LSS: variants seen among roughly 807,000 people sequenced by gnomAD.
LSS encodes 2,3-epoxysqualene-lanosterol cyclase.
Under a neutral mutation model 110.3 loss-of-function variants are expected in LSS, and 90 were observed. That is an observed-to-expected ratio of 0.82 (90% CI 0.69 to 0.97). The LOEUF is 0.97. Ranked by LOEUF, LSS falls within the 50% of genes least tolerant of loss-of-function variation. The pLI is 0.00. For missense variants in LSS, 927 were observed against 990.0 expected, an observed-to-expected ratio of 0.94 and a Z score of 0.85; for synonymous variants, 433 against 400.0, an observed-to-expected ratio of 1.08 and a Z score of -0.98.
chr21:46,217,546 G>GT (rs931828495), intron 6 of LSS, among the ~76,000 whole-genome samples: 5 of 151,416 alleles, frequency 3.3e-5, no homozygotes, highest in Admixed American at 6.6e-5. Flanking sequence ...TTAAAAGGGT[G>GT]TTTTTTTTTC....
At position 46,209,529 on chromosome 21, in the gene LSS, T is replaced by C; in HGVS notation, c.1266+25A>G. 6.3e-7 allele frequency: 1 copy of C among 1,587,510 alleles called. No individual in the cohort carries two copies. The highest frequency in any genetic ancestry group is 8.6e-7 in the Non-Finnish European group (1 of 1,166,792). On this transcript the variant is annotated intron_variant, in intron 13 of 21. Coordinates refer to ENST00000397728, the MANE Select transcript of LSS (RefSeq NM_002340.6). This position sits in a 1 kb window ranked among gnomAD's most constrained non-coding sequence, Gnocchi z 4.4. Reference sequence around the variant, plus strand: ...GCCCTGATCCCCCTCTTCAGCCCCCTCAGAGCCCCAGGCACCGGCCTCACC... The same window carrying C: ...GCCCTGATCCCCCTCTTCAGCCCCCCCAGAGCCCCAGGCACCGGCCTCACC...
chr21:46,223,989 C>T (rs1426680191), intron 3 of LSS, among the ~76,000 whole-genome samples: 11 of 152,184 alleles, frequency 7.2e-5, no homozygotes, highest in Admixed American at 6.5e-4. Flanking sequence ...TTGTGGAGGG[C>T]CTCACATTAG....
chr21:46,216,351 C>T lies in LSS; in HGVS notation c.783+38G>A, dbSNP rs747598643. On this transcript the variant is annotated intron_variant, in intron 7 of 21. Coordinates refer to ENST00000397728, the MANE Select transcript of LSS (RefSeq NM_002340.6). This position sits in a 1 kb window ranked among gnomAD's most constrained non-coding sequence, Gnocchi z 4.2. ...AGCCCCAGGCCCTGTGGGTCCCAGC[C>T]CCAGAGGCCTTCACTTTGTTCCCTG... 27 of 1,612,776 alleles carry T rather than the reference C, an allele frequency of 1.7e-5. No individual in the cohort carries two copies. Among genetic ancestry groups the T allele is most frequent in the African/African-American group, 9.3e-5 (7 of 75,048 alleles).
intron 5 of LSS, chr21:46,220,339 A>G (rs1217912835): frequency 6.6e-6 from 1 of 152,344 alleles, no homozygotes. Flanking sequence ...ACTGAGGACA[A>G]TAGTGACAAG....
At chr21:46,212,978 G>A (rs761264037) in intron 11 of LSS, 47 bp downstream of exon 11, 4 of 1,610,560 alleles carry the variant, frequency 2.5e-6, no homozygotes, top group Admixed American at 1.7e-5. Context: ...ATAAAGGGGA[G>A]ACATGATTGC....
chr21:46,206,554 C>T (rs2080050781), intron 16 of LSS, 118 bp downstream of exon 16: 4 of 816,524 alleles, frequency 4.9e-6, no homozygotes, highest in South Asian at 1.5e-5. Context: ...GACAGATCTG[C>T]CGGTGAACCT....
Position 46,206,722 on chromosome 21 carries a change from G to T in LSS, c.1514C>A (p.Thr505Asn). The T allele has an allele frequency of 6.2e-7, 1 of 1,613,048 alleles. No individual in the cohort carries two copies. Among genetic ancestry groups the T allele is most frequent in the South Asian group, 1.1e-5 (1 of 91,082 alleles). The change falls in exon 16 of 22, where the codon ACC (threonine) becomes AAC (asparagine). Residue 505 changes from threonine (T) to asparagine (N), a missense_variant. By Grantham distance (65) the Thr-to-Asn change is moderately conservative. Coordinates refer to ENST00000397728, the MANE Select transcript of LSS (RefSeq NM_002340.6). ...NPDGGFATYE[T>N]KRGGHLLELL... is the part of the protein sequence containing the mutation. ...CTCCAGCAAGTGCCCCCCACGCTTG[G>T]TCTCATAGGTGGCGAACCCTCCATC...
chr21:46,216,573 C>A lies in LSS; in HGVS notation c.648-49G>T, dbSNP rs770733501. 1.0e-4 allele frequency: 154 copies of A among 1,500,508 alleles called. No homozygotes were observed. The highest frequency in any genetic ancestry group is 1.3e-4 in the Non-Finnish European group (147 of 1,120,364). The allele number at this position is 1,500,508 out of a possible 1,614,324, so 92.9% of individuals were successfully genotyped here. A position where few individuals can be genotyped will look rare whatever the true frequency, so the allele number is the denominator to read the frequency against. ...GGGAGACCCCAAGACTCAAGCCTGC[C>A]CCCTCCGCCAGCATCCATACCTTGG... On this transcript the variant is annotated intron_variant, in intron 6 of 21. Coordinates refer to ENST00000397728, the MANE Select transcript of LSS (RefSeq NM_002340.6). This position sits in a 1 kb window ranked among gnomAD's most constrained non-coding sequence, Gnocchi z 4.2.
chr21:46,191,751 C>T, intron 21 of LSS, 130 bp downstream of exon 21: 1 of 739,346 alleles, frequency 1.4e-6, no homozygotes, highest in Non-Finnish European at 2.3e-6. Flanking sequence ...GTGGCATTCA[C>T]TGGCAGAGGT....
At chr21:46,204,858 GA>G (rs954067051) in intron 17 of LSS, among the ~76,000 whole-genome samples, 1 of 151,168 alleles carries the variant, frequency 6.6e-6, no homozygotes, top group Non-Finnish European at 1.5e-5. Context: ...ACATTATAAA[GA>G]AAAAAAAATT....
At chr21:46,226,041 C>G (rs1460230609) in intron 3 of LSS, among the ~76,000 whole-genome samples, 1 of 151,704 alleles carries the variant, frequency 6.6e-6, no homozygotes, top group African/African-American at 2.4e-5. Flanking sequence ...GAGGCTGAGG[C>G]AGGAGAATCA....
In LSS at chr21:46,219,456, C is replaced by A. The variant is rs373620826; in HGVS notation, c.647+20G>T. Reference sequence around the variant, plus strand: ...GGGACAGCAGCAGCGACCCAACAACCCAATCAACAGCAGACATACCACATC... The same window carrying A: ...GGGACAGCAGCAGCGACCCAACAACACAATCAACAGCAGACATACCACATC... On this transcript the variant is annotated intron_variant, in intron 6 of 21. Coordinates refer to ENST00000397728, the MANE Select transcript of LSS (RefSeq NM_002340.6). The A allele has an allele frequency of 3.5e-5, 54 of 1,559,904 alleles. No homozygotes were observed. In the African/African-American group the frequency reaches 7.3e-4, roughly 21 times the overall value.
chr21:46,205,030 G>C (rs1476125109), intron 17 of LSS, among the ~76,000 whole-genome samples: 5 of 152,112 alleles, frequency 3.3e-5, no homozygotes, highest in Non-Finnish European at 4.4e-5. Context: ...GGATAAAGAA[G>C]AACCTACAAA....
chr21:46,216,430 G>A lies in LSS; in HGVS notation c.742C>T (p.Leu248=), dbSNP rs956516690. 6.2e-7 allele frequency: 1 copy of A among 1,613,718 alleles called. No homozygotes were observed. The highest frequency in any genetic ancestry group is 1.3e-5 in the African/African-American group (1 of 74,936). The stretch of plus-strand genomic sequence containing the variant: ...ACCAGCGGGTCTTCCGCGGCACTCA[G>A]CCGAACGGCGTAGCAGTAGCTCATG... The part of the protein sequence containing the change: ...LPMSYCYAVR[L]SAAEDPLVQS... Residue 248 remains leucine, a synonymous_variant, in exon 7 of 22, where the codon CTG becomes TTG. Transcript: ENST00000397728. The surrounding 1 kb of genome is among the most constrained non-coding windows in gnomAD (Gnocchi z 4.2).
chr21:46,198,252 T>C (rs1851798948), intron 17 of LSS, among the ~76,000 whole-genome samples: 1 of 140,504 alleles, frequency 7.1e-6, no homozygotes, highest in South Asian at 2.3e-4. Context: ...GGCAACAGAG[T>C]AAGACTGCGT....
intron 15 of LSS, 56 bp downstream of exon 15, chr21:46,207,372 G>A (rs1229126688): frequency 1.1e-5 from 17 of 1,589,710 alleles, no homozygotes; most frequent in Non-Finnish European, 1.5e-5. Flanking sequence ...AAGTGAGCAC[G>A]CAGCTCATCT....
chr21:46,227,149 C>T (rs1291998709), intron 3 of LSS, among the ~76,000 whole-genome samples: 1 of 152,242 alleles, frequency 6.6e-6, no homozygotes, highest in Non-Finnish European at 1.5e-5. Flanking sequence ...CTGAAGCTCT[C>T]CTGCAATAGC....
At chr21:46,195,077 G>A (rs572918764) in intron 19 of LSS, among the ~76,000 whole-genome samples, 1 of 152,242 alleles carries the variant, frequency 6.6e-6, no homozygotes, top group Non-Finnish European at 1.5e-5. Flanking sequence ...CTGGAGACAC[G>A]GCTGGGACCG....
intron 12 of LSS, 89 bp downstream of exon 12, chr21:46,210,599 T>C: frequency 7.9e-7 from 1 of 1,260,394 alleles, no homozygotes; most frequent in Non-Finnish European, 1.1e-6. Flanking sequence ...GGCAAGTGTG[T>C]GGCCAGCAGT....
Sources: gnomAD v4.1 joint callset for allele counts (sites outside exome capture counted in the v4.1 genomes callset) on GRCh38, gnomAD v4.1.1 for gene constraint, Gnocchi (gnomAD v3.1) non-coding constraint, MANE v1.5 for transcripts, NCBI Gene and HGNC (gene_info 2026-07-23, HGNC 2026-07-21) for gene names.